The following CNOT2 variants were observed in gnomAD, a reference collection of about 807,000 sequenced individuals.
CNOT2 encodes the protein CC chemokine receptor 4-negative regulator of transcription 2.
CNOT2 carries 7 observed loss-of-function variants against 72.1 expected under a neutral mutation model. The ratio of observed to expected loss-of-function variants is 0.10; its 90% CI spans 0.06 to 0.18. The LOEUF (loss-of-function observed/expected upper bound fraction) is 0.18, where lower values mean the gene tolerates loss of function less well. Among genes scored for constraint, CNOT2 ranks in the 10% least tolerant of loss-of-function variants. The pLI is 1.00. For synonymous variants in CNOT2, 196 were observed against 225.6 expected (o/e 0.87, Z 1.17); for missense variants, 345 against 660.3 (o/e 0.52, Z 5.23).
At chr12:70,301,205 C>T (rs184082455) in intron 2 of CNOT2, among the ~76,000 whole-genome samples, 64 of 152,190 alleles carry the variant, frequency 4.2e-4, no homozygotes, top group Non-Finnish European at 3.7e-4. Context: ...AATTGAATGC[C>T]CTTTATTTCC....
At chr12:70,278,353 G>A in intron 2 of CNOT2, 79 bp downstream of exon 2, 1 of 1,083,722 alleles carries the variant, frequency 9.2e-7, no homozygotes, top group Non-Finnish European at 1.4e-6. Flanking sequence ...ATATGTAATT[G>A]GAACCAGCAA....
Position 70,278,507 on chromosome 12 carries a change from A to G in CNOT2, c.48+233A>G, listed in dbSNP as rs143152073. 130 of 430,988 alleles carry G rather than the reference A, an allele frequency of 3.0e-4. No individual in the cohort carries two copies. The East Asian group carries it at 4.8e-3, about 16-fold the overall frequency. The allele number at this position is 430,988 out of a possible 1,614,324, so 26.7% of individuals were successfully genotyped here. On this transcript the variant is annotated intron_variant, in intron 2 of 15. Coordinates refer to ENST00000229195, the MANE Select transcript of CNOT2 (RefSeq NM_014515.7). ...TTAGTGTCAAATCAGGTTTTCTGAGATATTTGTCAAAACTTAGATTATTTG... is the reference window on the plus strand; with the variant it reads ...TTAGTGTCAAATCAGGTTTTCTGAGGTATTTGTCAAAACTTAGATTATTTG...
chr12:70,350,200 T>C (rs1268837418), intron 15 of CNOT2, among the ~76,000 whole-genome samples: 1 of 152,192 alleles, frequency 6.6e-6, no homozygotes, highest in East Asian at 1.9e-4. Context: ...CCACAGTTAA[T>C]TTTTAGGTGA....
chr12:70,351,816 T>C (rs918108772), intron 15 of CNOT2, among the ~76,000 whole-genome samples: 11 of 152,168 alleles, frequency 7.2e-5, no homozygotes, highest in African/African-American at 2.7e-4. Flanking sequence ...GCAATAAAAT[T>C]ATTTTAATTC....
At chr12:70,347,588 G>C (rs919720245) in intron 15 of CNOT2, 1 of 151,468 alleles carries the variant, frequency 6.6e-6, no homozygotes, top group Admixed American at 6.6e-5. Context: ...AGCCGAGATC[G>C]CGCCACTGCA....
intron 1 of CNOT2, among the ~76,000 whole-genome samples, chr12:70,255,014 AAG>A (rs2135714662): frequency 6.6e-6 from 1 of 151,938 alleles, no homozygotes; most frequent in African/African-American, 2.4e-5. Context: ...AGAAGAAAAA[AAG>A]AAAACTGGCT....
intron 1 of CNOT2, among the ~76,000 whole-genome samples, chr12:70,254,537 A>G (rs1291752769): frequency 2.0e-5 from 3 of 152,192 alleles, no homozygotes; most frequent in Middle Eastern, 3.2e-3. Context: ...TTCACCATGA[A>G]TAACTGAAAC....
At chr12:70,351,969 G>A (rs959629206) in intron 15 of CNOT2, among the ~76,000 whole-genome samples, 1 of 152,150 alleles carries the variant, frequency 6.6e-6, no homozygotes, top group Non-Finnish European at 1.5e-5. Context: ...CCAGTCACAT[G>A]AAGGCAACCT....
intron 15 of CNOT2, among the ~76,000 whole-genome samples, chr12:70,350,723 G>C (rs1394702571): frequency 6.6e-6 from 1 of 152,128 alleles, no homozygotes; most frequent in East Asian, 1.9e-4. Context: ...TGAATTTCAT[G>C]GTTAGACTTG....
At position 70,330,273 on chromosome 12, in the gene CNOT2, G is replaced by A. The variant is rs11615947; in HGVS notation, c.387-14G>A. 158,946 of 1,432,502 alleles carry A rather than the reference G, an allele frequency of 0.11. 10,051 individuals carry two copies. The highest frequency in any genetic ancestry group is 0.14 in the Middle Eastern group (792 of 5,600). 88.7% of individuals were successfully genotyped at this position (1,432,502 alleles called of 1,614,324 possible). A position where few individuals can be genotyped will look rare whatever the true frequency, so the allele number is the denominator to read the frequency against. ...TGTAGAGAGCTTATTTAGTATAATG[G>A]ACTTCTTTTTCAGGGGTATTTTGCC... On this transcript the variant is annotated splice_polypyrimidine_tract_variant and intron_variant, in intron 5 of 15. Coordinates refer to ENST00000229195, the MANE Select transcript of CNOT2 (RefSeq NM_014515.7).
chr12:70,299,106 C>A (rs1243673102), intron 2 of CNOT2, among the ~76,000 whole-genome samples: 1 of 151,912 alleles, frequency 6.6e-6, no homozygotes, highest in Non-Finnish European at 1.5e-5. Flanking sequence ...GTCTCACAAT[C>A]GTGGCAGAAG....
intron 11 of CNOT2, among the ~76,000 whole-genome samples, chr12:70,341,282 C>G (rs1881475516): frequency 6.6e-6 from 1 of 152,154 alleles, no homozygotes; most frequent in African/African-American, 2.4e-5. Context: ...TCACTGTATT[C>G]CAGCTTCACT....
chr12:70,267,889 T>C (rs935139261), intron 1 of CNOT2, among the ~76,000 whole-genome samples: 1 of 152,256 alleles, frequency 6.6e-6, no homozygotes, highest in Non-Finnish European at 1.5e-5. Context: ...ATATATTGTC[T>C]CTGGCTGCTT....
chr12:70,271,701 G>A (rs1959255326), intron 1 of CNOT2, among the ~76,000 whole-genome samples: 1 of 152,110 alleles, frequency 6.6e-6, no homozygotes, highest in South Asian at 2.1e-4. Flanking sequence ...ATGTGGGAAA[G>A]TTTGAATATT....
At chr12:70,269,275 CTTTTTTTTTTTAAGCT>C (rs1009734742) in intron 1 of CNOT2, among the ~76,000 whole-genome samples, 5 of 141,076 alleles carry the variant, frequency 3.5e-5, no homozygotes, top group African/African-American at 1.3e-4. Context: ...CGCTCTGAAG[CTTTTTTTTTTTAAGCT>C]TTTTTTTTTT....
chr12:70,249,539 T>G (rs1372551255), intron 1 of CNOT2, among the ~76,000 whole-genome samples: 1 of 152,010 alleles, frequency 6.6e-6, no homozygotes, highest in Non-Finnish European at 1.5e-5. Flanking sequence ...ATTTTAGCGC[T>G]ACTTTATAGA....
chr12:70,287,636 A>G (rs1348444446), intron 2 of CNOT2, among the ~76,000 whole-genome samples: 1 of 149,968 alleles, frequency 6.7e-6, no homozygotes, highest in Non-Finnish European at 1.5e-5. Context: ...TATTATGTAC[A>G]TCTTATGTAT....
chr12:70,310,421 A>G (rs1565798267), intron 2 of CNOT2, among the ~76,000 whole-genome samples: 1 of 152,070 alleles, frequency 6.6e-6, no homozygotes, highest in Non-Finnish European at 1.5e-5. Context: ...GCCACTATAT[A>G]TGCACTGATT....
At chr12:70,256,960 A>G (rs1029165996) in intron 1 of CNOT2, among the ~76,000 whole-genome samples, 5 of 152,206 alleles carry the variant, frequency 3.3e-5, no homozygotes, top group Admixed American at 6.5e-5. Context: ...CCAGTGTCAT[A>G]TATTTATCCA....
Sources: gnomAD v4.1 joint callset for allele counts (sites outside exome capture counted in the v4.1 genomes callset) on GRCh38, gnomAD v4.1.1 for gene constraint, MANE v1.5 for transcripts, NCBI Gene and HGNC (gene_info 2026-07-23, HGNC 2026-07-21) for gene names.